The following PTPRD variants were observed in gnomAD, a reference collection of about 807,000 sequenced individuals.
The protein encoded by PTPRD is receptor-type tyrosine-protein phosphatase delta.
PTPRD carries 34 observed loss-of-function variants against 214.5 expected under a neutral mutation model. The ratio of observed to expected loss-of-function variants is 0.16; its 90% CI spans 0.12 to 0.21. The LOEUF is 0.21. Among genes scored for constraint, PTPRD ranks in the 10% least tolerant of loss-of-function variants. PTPRD has a pLI of 1.00. For synonymous variants in PTPRD, 1,128 were observed against 845.7 expected (o/e 1.33, Z -5.79); for missense variants, 2,545 against 2,398.7 (o/e 1.06, Z -1.27).
chr9:9,882,566 G>A (rs1310012046), intron 5 of PTPRD, among the ~76,000 whole-genome samples: 1 of 152,084 alleles, frequency 6.6e-6, no homozygotes, highest in African/African-American at 2.4e-5. Flanking sequence ...CCTTTCTGAA[G>A]GAAAGAATGA....
intron 3 of PTPRD, among the ~76,000 whole-genome samples, chr9:10,125,672 C>T (rs548481995): frequency 5.6e-5 from 8 of 144,108 alleles, no homozygotes; most frequent in East Asian, 2.0e-4. Flanking sequence ...TTAGTAGAGA[C>T]GGGGTTTCAC....
intron 2 of PTPRD, among the ~76,000 whole-genome samples, chr9:10,464,329 G>A (rs1037763148): frequency 4.6e-5 from 7 of 152,060 alleles, no homozygotes; most frequent in South Asian, 2.1e-4. Context: ...GCAGTGTGCC[G>A]AGGTCATGTC....
At chr9:10,156,332 G>T (rs896743208) in intron 3 of PTPRD, among the ~76,000 whole-genome samples, 1 of 151,986 alleles carries the variant, frequency 6.6e-6, no homozygotes, top group South Asian at 2.1e-4. Context: ...CTGGTGTGTT[G>T]TATCTTTTCT....
At chr9:9,169,143 T>C (rs986120370) in intron 10 of PTPRD, among the ~76,000 whole-genome samples, 1 of 152,032 alleles carries the variant, frequency 6.6e-6, no homozygotes, top group Non-Finnish European at 1.5e-5. Flanking sequence ...ACTGTTTGCT[T>C]AATAAATCTT....
At chr9:10,336,534 T>A (rs1457453036) in intron 3 of PTPRD, among the ~76,000 whole-genome samples, 1 of 151,348 alleles carries the variant, frequency 6.6e-6, no homozygotes, top group East Asian at 2.0e-4. Flanking sequence ...AATCAGAAAA[T>A]AACATAATAA....
Position 9,189,004 on chromosome 9 carries a change from A to G in PTPRD, c.-202-5641T>C, listed in dbSNP as rs148116000. On this transcript the variant is annotated intron_variant, in intron 9 of 45. Transcript: ENST00000381196. ...GAGTAGAAGCTAGCCATGAAGAACT[A>G]CTTAATATCAGTCTATTCTAAATTA... 1.9e-3 allele frequency among the ~76,000 whole-genome samples: 296 copies of G among 152,196 alleles called. 3 individuals are homozygous for G. The highest frequency in any genetic ancestry group is 6.8e-3 in the Middle Eastern group (2 of 294).
intron 39 of PTPRD, among the ~76,000 whole-genome samples, chr9:8,348,602 A>C (rs10815828): frequency 0.49 from 74,906 of 151,974 alleles, 20,749 homozygotes; most frequent in Non-Finnish European, 0.63. Context: ...GGAGGTTCAA[A>C]AATTTCATCT....
intron 9 of PTPRD, among the ~76,000 whole-genome samples, chr9:9,273,220 T>C (rs186964118): frequency 1.1e-4 from 16 of 151,416 alleles, no homozygotes; most frequent in African/African-American, 2.7e-4. Flanking sequence ...TAAATTCTTA[T>C]TGAGTTTTTG....
rs531079451 is a variant in PTPRD, at chr9:8,496,074, C to T, written c.2349+1168G>A. 2.0e-5 allele frequency among the ~76,000 whole-genome samples: 3 copies of T among 152,128 alleles called. No homozygotes were observed. In the South Asian group the frequency reaches 6.2e-4, roughly 32 times the overall value. ...TTCATTTATATCAAATTGTCAGGCT[C>T]ACTGTCACGTGACTATACCACATGC... is the stretch of plus-strand genomic sequence containing the variant. On this transcript the variant is annotated intron_variant, in intron 26 of 45. Transcript: ENST00000381196.
At chr9:8,503,468 A>G (rs976087037) in intron 23 of PTPRD, among the ~76,000 whole-genome samples, 1 of 152,180 alleles carries the variant, frequency 6.6e-6, no homozygotes, top group African/African-American at 2.4e-5. Flanking sequence ...TGAACTGTAA[A>G]CACATACTAA....
At chr9:8,418,994 AT>A (rs2094156791) in intron 35 of PTPRD, among the ~76,000 whole-genome samples, 1 of 152,062 alleles carries the variant, frequency 6.6e-6, no homozygotes, top group African/African-American at 2.4e-5. Flanking sequence ...AATCAAAAGC[AT>A]TATCACTTGA....
At position 8,963,304 on chromosome 9, in the gene PTPRD, T is replaced by A. The variant is rs556073614; in HGVS notation, c.-104+55393A>T. 5.9e-5 allele frequency among the ~76,000 whole-genome samples: 9 copies of A among 152,292 alleles called. No individual in the cohort carries two copies. In the South Asian group the frequency reaches 1.9e-3, roughly 32 times the overall value. On this transcript the variant is annotated intron_variant, in intron 11 of 45. Coordinates refer to ENST00000381196, the MANE Select transcript of PTPRD (RefSeq NM_002839.4). ...ACATTAGTGGTTTGGAATCAGGAAG[T>A]AATACATGGGAGGATTTTAGGTATT... is the stretch of plus-strand genomic sequence containing the variant.
intron 5 of PTPRD, among the ~76,000 whole-genome samples, chr9:9,878,139 G>C (rs1019938880): frequency 5.9e-5 from 9 of 152,148 alleles, no homozygotes; most frequent in Non-Finnish European, 7.3e-5. Context: ...CATCCAGCTA[G>C]AGAACAATAG....
intron 39 of PTPRD, among the ~76,000 whole-genome samples, chr9:8,367,918 C>G (rs373777342): frequency 6.6e-6 from 1 of 152,176 alleles, no homozygotes; most frequent in African/African-American, 2.4e-5. Context: ...ATTATCCCCA[C>G]GTTACTGATC....
chr9:9,215,842 T>G (rs73641262), intron 9 of PTPRD, among the ~76,000 whole-genome samples: 30,957 of 152,118 alleles, frequency 0.2, 3,756 homozygotes, highest in Middle Eastern at 0.32. Context: ...ACCACAACAG[T>G]AAAATAGTAC....
At chr9:8,819,344 T>C (rs1269454755) in intron 11 of PTPRD, among the ~76,000 whole-genome samples, 1 of 151,300 alleles carries the variant, frequency 6.6e-6, no homozygotes, top group Non-Finnish European at 1.5e-5. Flanking sequence ...ACTTATATTT[T>C]ATTTTATTAT....
chr9:9,544,843 T>C (rs2078403941), intron 8 of PTPRD, among the ~76,000 whole-genome samples: 2 of 151,750 alleles, frequency 1.3e-5, no homozygotes. Flanking sequence ...TCAACTATAA[T>C]AGTGAATTAA....
At chr9:8,541,848 C>A (rs190428000) in intron 14 of PTPRD, among the ~76,000 whole-genome samples, 18 of 152,150 alleles carry the variant, frequency 1.2e-4, no homozygotes, top group East Asian at 3.9e-4. Context: ...AAAGCAAACA[C>A]AGGATAGAAA....
At chr9:8,670,668 A>G (rs1466109253) in intron 12 of PTPRD, among the ~76,000 whole-genome samples, 1 of 152,198 alleles carries the variant, frequency 6.6e-6, no homozygotes, top group Non-Finnish European at 1.5e-5. Context: ...GTTGACAGAA[A>G]TGGATGTCAT....
Sources: allele counts gnomAD v4.1 joint callset (sites outside exome capture counted in the v4.1 genomes callset), GRCh38; gene constraint gnomAD v4.1.1; transcripts MANE v1.5; gene names NCBI Gene and HGNC (gene_info 2026-07-23, HGNC 2026-07-21).